CELF4: variants seen among roughly 807,000 people sequenced by gnomAD.
CELF4 encodes the protein CUGBP Elav-like family member 4.
CELF4 carries 18 observed loss-of-function variants against 59.9 expected under a neutral mutation model. The observed-to-expected ratio is 0.30, with a 90% CI of 0.21 to 0.45. The LOEUF (loss-of-function observed/expected upper bound fraction) is 0.45, where lower values mean the gene tolerates loss of function less well. CELF4 is among the 20% of genes least tolerant of loss of function. The pLI is 1.00. For missense variants in CELF4, 456 were observed against 689.0 expected, an observed-to-expected ratio of 0.66 and a Z score of 3.79; for synonymous variants, 261 against 267.1, an observed-to-expected ratio of 0.98 and a Z score of 0.22.
chr18:37,491,750 G>A (rs559748169), intron 1 of CELF4, among the ~76,000 whole-genome samples: 1 of 152,296 alleles, frequency 6.6e-6, no homozygotes, highest in African/African-American at 2.4e-5. Context: ...ACGCAGGGGT[G>A]GCGGATGCCC....
chr18:37,515,174 C>CA (rs2099949259), intron 1 of CELF4, among the ~76,000 whole-genome samples: 2 of 152,174 alleles, frequency 1.3e-5, no homozygotes, highest in Admixed American at 1.3e-4. Context: ...TGCTGTTCGG[C>CA]AGTGGTTTTT....
At chr18:37,397,725 C>T (rs1184406716) in intron 2 of CELF4, among the ~76,000 whole-genome samples, 1 of 152,224 alleles carries the variant, frequency 6.6e-6, no homozygotes, top group East Asian at 1.9e-4. Flanking sequence ...GTAGCACTGG[C>T]TGTACATGAA....
chr18:37,282,282 A>C (rs925536427), intron 3 of CELF4, among the ~76,000 whole-genome samples: 14 of 152,158 alleles, frequency 9.2e-5, no homozygotes, highest in Admixed American at 7.2e-4. Context: ...AGCCCAGGTC[A>C]GTCAGAGAAG....
In CELF4 at chr18:37,565,784, G is replaced by GCTCTCTGCTCT; in HGVS notation, c.-154_-144dup. 1.8e-6 allele frequency: 1 copy of GCTCTCTGCTCT among 545,226 alleles called. No individual in the cohort carries two copies. Among genetic ancestry groups the GCTCTCTGCTCT allele is most frequent in the East Asian group, 3.3e-5 (1 of 30,642 alleles). 33.8% of individuals were successfully genotyped at this position (545,226 alleles called of 1,614,324 possible). ...TTTCTCTACACCTCGCTCTCCGCTCGCTCTCTGCTCTCTCTCTTTCTCCTC... is the reference window on the plus strand; with the variant it reads ...TTTCTCTACACCTCGCTCTCCGCTCGCTCTCTGCTCTCTCTCTGCTCTCTCTCTTTCTCCTC... On this transcript the variant is annotated 5_prime_UTR_variant, in exon 1 of 13. Transcript: ENST00000420428.
At chr18:37,500,462 A>C (rs1203995656) in intron 1 of CELF4, among the ~76,000 whole-genome samples, 2 of 151,788 alleles carry the variant, frequency 1.3e-5, no homozygotes, top group Admixed American at 6.5e-5. Flanking sequence ...AGCTGAGTAC[A>C]TCTTGTCTTT....
chr18:37,460,377 T>G (rs2099790216), intron 2 of CELF4, among the ~76,000 whole-genome samples: 2 of 152,198 alleles, frequency 1.3e-5, no homozygotes, highest in Admixed American at 1.3e-4. Flanking sequence ...CTTGTTTCTT[T>G]TCCAGGAGGT....
intron 2 of CELF4, among the ~76,000 whole-genome samples, chr18:37,364,319 G>A (rs975880263): frequency 6.6e-5 from 10 of 152,268 alleles, no homozygotes; most frequent in East Asian, 1.9e-4. Context: ...TCCTTTCCCC[G>A]GGGCAGGAGA....
chr18:37,523,219 A>G (rs1455764413), intron 1 of CELF4, among the ~76,000 whole-genome samples: 8 of 152,188 alleles, frequency 5.3e-5, no homozygotes, highest in African/African-American at 1.7e-4. Context: ...ACATGGATCC[A>G]GAAGTCTTCA....
chr18:37,482,072 A>G (rs2099868998), intron 2 of CELF4, among the ~76,000 whole-genome samples: 2 of 151,844 alleles, frequency 1.3e-5, no homozygotes, highest in African/African-American at 4.8e-5. Flanking sequence ...TTTTATAGTA[A>G]CATGTGCTGT....
chr18:37,532,375 G>A (rs951365930), intron 1 of CELF4, among the ~76,000 whole-genome samples: 1 of 152,190 alleles, frequency 6.6e-6, no homozygotes. Context: ...GGCAGGGACT[G>A]CATCTCAGTC....
rs1029230362 is a variant in CELF4 at position 37,243,494 on chromosome 18, G to GT, written c.*1747dup. On this transcript the variant is annotated 3_prime_UTR_variant, in exon 13 of 13. Coordinates refer to ENST00000420428, the MANE Select transcript of CELF4 (RefSeq NM_020180.4). Reference sequence around the variant, plus strand: ...TATATGTGTTCTTAAATAATTCAGTGTTTTTTCTGATTCTGAGTTTTTTAA... The same window carrying GT: ...TATATGTGTTCTTAAATAATTCAGTGTTTTTTTCTGATTCTGAGTTTTTTAA... 3.3e-5 allele frequency: 5 copies of GT among 152,064 alleles called. No individual in the cohort carries two copies. Among genetic ancestry groups the GT allele is most frequent in the South Asian group, 2.1e-4 (1 of 4,826 alleles). 9.4% of individuals were successfully genotyped at this position (152,064 alleles called of 1,614,324 possible). A position where few individuals can be genotyped will look rare whatever the true frequency, so the allele number is the denominator to read the frequency against.
intron 2 of CELF4, among the ~76,000 whole-genome samples, chr18:37,386,078 T>C (rs2099096074): frequency 6.6e-6 from 1 of 152,208 alleles, no homozygotes; most frequent in African/African-American, 2.4e-5. Flanking sequence ...TTTGGGCATA[T>C]TACCTGGAGA....
chr18:37,309,220 G>A (rs112594302), intron 3 of CELF4, among the ~76,000 whole-genome samples: 45 of 152,342 alleles, frequency 3.0e-4, no homozygotes, highest in Non-Finnish European at 5.3e-4. Context: ...GCACAGATCC[G>A]AGGGAGGACA....
chr18:37,563,273 A>G (rs1346243868), intron 1 of CELF4, among the ~76,000 whole-genome samples: 1 of 152,114 alleles, frequency 6.6e-6, no homozygotes, highest in Non-Finnish European at 1.5e-5. Flanking sequence ...CTTCATTTGA[A>G]ATGAAGAAGC....
chr18:37,372,036 G>C (rs1296373085), intron 2 of CELF4, among the ~76,000 whole-genome samples: 1 of 152,236 alleles, frequency 6.6e-6, no homozygotes, highest in Non-Finnish European at 1.5e-5. Flanking sequence ...GTTGGTGGGA[G>C]TGTAAACTAG....
chr18:37,381,110 TCATCCATCCATCCATCCATCCATC>T (rs373054331), intron 2 of CELF4, among the ~76,000 whole-genome samples: 1 of 134,534 alleles, frequency 7.4e-6, no homozygotes, highest in Non-Finnish European at 1.6e-5. Context: ...CCATCCACCA[TCATCCATCCATCCATCCATCCATC>T]CATCCATCCA....
intron 2 of CELF4, among the ~76,000 whole-genome samples, chr18:37,370,216 G>T (rs1177117000): frequency 6.6e-6 from 1 of 152,152 alleles, no homozygotes; most frequent in Non-Finnish European, 1.5e-5. Context: ...CCTCCTGAGG[G>T]ACTAGTTGTC....
chr18:37,340,327 G>A (rs982766725), intron 2 of CELF4, among the ~76,000 whole-genome samples: 8 of 152,248 alleles, frequency 5.3e-5, no homozygotes, highest in African/African-American at 1.9e-4. Context: ...AGCCCTGACT[G>A]AGTTGGGGCT....
chr18:37,452,342 T>TG (rs1274251529), intron 2 of CELF4, among the ~76,000 whole-genome samples: 3 of 151,958 alleles, frequency 2.0e-5, no homozygotes, highest in African/African-American at 4.8e-5. Flanking sequence ...TCTGCACAGA[T>TG]GGGGAAACAG....
Sources: gnomAD v4.1 joint callset for allele counts (sites outside exome capture counted in the v4.1 genomes callset) on GRCh38, gnomAD v4.1.1 for gene constraint, MANE v1.5 for transcripts, NCBI Gene and HGNC (gene_info 2026-07-23, HGNC 2026-07-21) for gene names.